Variants in LRRC37A2 observed in about 807,000 individuals in gnomAD.
LRRC37A2 encodes leucine rich repeat containing 37 member A2.
In LRRC37A2, 9 loss-of-function variants were observed where a neutral mutation model predicts 68.8. The ratio of observed to expected loss-of-function variants is 0.13; its 90% CI spans 0.08 to 0.23. LRRC37A2 has a LOEUF of 0.23. Ranked by LOEUF, LRRC37A2 falls within the 10% of genes least tolerant of loss-of-function variation. The pLI, the probability that LRRC37A2 is intolerant of heterozygous loss-of-function variation, is 1.00. For synonymous variants in LRRC37A2, 63 were observed against 367.6 expected, an observed-to-expected ratio of 0.17 and a Z score of 9.48; for missense variants, 168 against 950.4, an observed-to-expected ratio of 0.18 and a Z score of 10.82.
chr17:46,771,000 G>C, the LRRC37A2 span, among the ~76,000 whole-genome samples: 1 of 152,192 alleles, frequency 6.6e-6, no homozygotes, highest in Non-Finnish European at 1.5e-5. Flanking sequence ...GGCCGGCCTA[G>C]TCGGCAAAAT....
the LRRC37A2 span, among the ~76,000 whole-genome samples, chr17:46,746,213 A>G: frequency 6.6e-6 from 1 of 152,214 alleles, no homozygotes; most frequent in Non-Finnish European, 1.5e-5. Flanking sequence ...TTCCTCAAAT[A>G]ATAATAATGA....
chr17:46,877,431 T>C, the LRRC37A2 span, among the ~76,000 whole-genome samples: 4 of 152,100 alleles, frequency 2.6e-5, no homozygotes, highest in Admixed American at 2.0e-4. Flanking sequence ...GAGAGCTGGG[T>C]TATGCACACT....
At chr17:46,897,831 G>A in the LRRC37A2 span, among the ~76,000 whole-genome samples, 396 of 152,060 alleles carry the variant, frequency 2.6e-3, 2 homozygotes, top group African/African-American at 9.3e-3. Flanking sequence ...ATATCATGGA[G>A]ACTCCTGAAC....
chr17:46,936,596 G>A, the LRRC37A2 span: 1 of 985,470 alleles, frequency 1.0e-6, no homozygotes, highest in Non-Finnish European at 1.2e-6. Flanking sequence ...AAGGGGCTAG[G>A]CTGAAGCACT....
chr17:46,884,381 C>G, the LRRC37A2 span, among the ~76,000 whole-genome samples: 2 of 152,220 alleles, frequency 1.3e-5, no homozygotes, highest in African/African-American at 2.4e-5. Flanking sequence ...CGCCCCACAC[C>G]CAGCCCCCTC....
chr17:46,836,631 C>A, the LRRC37A2 span, among the ~76,000 whole-genome samples: 1 of 152,174 alleles, frequency 6.6e-6, no homozygotes, highest in Non-Finnish European at 1.5e-5. Context: ...CTCTCACTTG[C>A]TAAATATGCC....
chr17:46,941,442 C>T, the LRRC37A2 span: 3 of 984,088 alleles, frequency 3.0e-6, no homozygotes, highest in Non-Finnish European at 3.6e-6. Flanking sequence ...GCCAGAGATT[C>T]TCAAACACTG....
the LRRC37A2 span, among the ~76,000 whole-genome samples, chr17:47,002,984 G>T: frequency 1.3e-5 from 2 of 152,108 alleles, no homozygotes; most frequent in African/African-American, 2.4e-5. Context: ...GGGTGTGATG[G>T]TTCACAACTG....
the LRRC37A2 span, among the ~76,000 whole-genome samples, chr17:46,975,889 GAT>G: frequency 1.1e-5 from 1 of 87,240 alleles, no homozygotes; most frequent in African/African-American, 3.4e-5. Context: ...AAAGAAGAAA[GAT>G]AAAGGAAGGA....
chr17:46,458,802 A>C, the LRRC37A2 span, among the ~76,000 whole-genome samples: 1 of 109,020 alleles, frequency 9.2e-6, no homozygotes, highest in African/African-American at 3.2e-5. Flanking sequence ...TGGCCTCCCA[A>C]AGTGCTGAGA....
the LRRC37A2 span, among the ~76,000 whole-genome samples, chr17:46,933,933 G>A: frequency 3.2e-5 from 3 of 94,180 alleles, no homozygotes; most frequent in Non-Finnish European, 6.7e-5. Context: ...CAGAGTGAGA[G>A]CCTGTCTCAA....
chr17:46,866,935 C>A, the LRRC37A2 span, among the ~76,000 whole-genome samples: 6 of 152,318 alleles, frequency 3.9e-5, no homozygotes, highest in South Asian at 2.1e-4. Context: ...CTTCCCCAAA[C>A]AGCCTGGAGT....
the LRRC37A2 span, among the ~76,000 whole-genome samples, chr17:46,782,148 C>G: frequency 6.6e-6 from 1 of 152,254 alleles, no homozygotes; most frequent in Non-Finnish European, 1.5e-5. Context: ...GTCATGCCTT[C>G]TTTGCAGAAA....
the LRRC37A2 span, among the ~76,000 whole-genome samples, chr17:46,984,344 T>C: frequency 1.3e-5 from 2 of 151,974 alleles, no homozygotes; most frequent in African/African-American, 4.8e-5. Flanking sequence ...TGGGAGTGCT[T>C]CGTTGTTGGG....
At chr17:46,940,725 G>T in the LRRC37A2 span, 1 of 1,595,746 alleles carries the variant, frequency 6.3e-7, no homozygotes, top group East Asian at 2.2e-5. Flanking sequence ...GACAGTGGTT[G>T]GCTTTGATGA....
the LRRC37A2 span, chr17:46,966,851 G>A: frequency 2.4e-6 from 1 of 412,726 alleles, no homozygotes; most frequent in Non-Finnish European, 4.3e-6. Flanking sequence ...TTCCTGGCAT[G>A]TGAAGAGCCC....
the LRRC37A2 span, among the ~76,000 whole-genome samples, chr17:46,928,163 C>G: frequency 3.3e-5 from 5 of 152,116 alleles, no homozygotes; most frequent in African/African-American, 1.2e-4. Context: ...TTTCTAGTTG[C>G]TTCTCAGGGC....
chr17:46,898,210 G>A, the LRRC37A2 span, among the ~76,000 whole-genome samples: 8 of 152,198 alleles, frequency 5.3e-5, no homozygotes, highest in African/African-American at 1.9e-4. Context: ...ATACCCCAAG[G>A]AAAATGTGGG....
chr17:47,012,061 A>G, the LRRC37A2 span, among the ~76,000 whole-genome samples: 1 of 152,232 alleles, frequency 6.6e-6, no homozygotes, highest in Non-Finnish European at 1.5e-5. Context: ...CCTCAGATTT[A>G]GCATCCGATG....
Sources: gnomAD v4.1 joint callset for allele counts (sites outside exome capture counted in the v4.1 genomes callset) on GRCh38, gnomAD v4.1.1 for gene constraint, MANE v1.5 for transcripts, NCBI Gene and HGNC (gene_info 2026-07-23, HGNC 2026-07-21) for gene names.